The following CYP20A1 variants were observed in gnomAD, a reference collection of about 807,000 sequenced individuals.
The protein encoded by CYP20A1 is cytochrome P450 20A1.
CYP20A1 carries 61 observed loss-of-function variants against 61.4 expected under a neutral mutation model. The ratio of observed to expected loss-of-function variants is 0.99; its 90% CI spans 0.81 to 1.23. The LOEUF (loss-of-function observed/expected upper bound fraction) is 1.23, where lower values mean the gene tolerates loss of function less well. Ranked by LOEUF, CYP20A1 falls within the 50% of genes most tolerant of loss-of-function variation. CYP20A1 has a pLI of 0.00. For missense variants in CYP20A1, 530 were observed against 542.4 expected, an observed-to-expected ratio of 0.98 and a Z score of 0.23; for synonymous variants, 193 against 188.2, an observed-to-expected ratio of 1.03 and a Z score of -0.21.
chr2:203,251,283 T>C (rs1381492899), intron 3 of CYP20A1, among the ~76,000 whole-genome samples: 2 of 151,656 alleles, frequency 1.3e-5, no homozygotes. Flanking sequence ...ACTGTAATAC[T>C]TGATAACCAC....
rs896166907 is a variant in CYP20A1, at chr2:203,304,415, T to C, written c.*7507T>C. Among the ~76,000 whole-genome samples, 1 of 152,130 alleles carries C rather than the reference T, an allele frequency of 6.6e-6. No homozygotes were observed. The highest frequency in any genetic ancestry group is 1.9e-4 in the East Asian group (1 of 5,158). On this transcript the variant is annotated 3_prime_UTR_variant, in exon 13 of 13. Coordinates refer to ENST00000356079, the MANE Select transcript of CYP20A1 (RefSeq NM_177538.3). ...GGTTTCACCATGTTAGCCAGGATGGTCTTGATCTCCTGACCTTGTGATCTG... is the reference window on the plus strand; with the variant it reads ...GGTTTCACCATGTTAGCCAGGATGGCCTTGATCTCCTGACCTTGTGATCTG...
In CYP20A1 at chr2:203,292,272, T is replaced by A; in HGVS notation, c.1094T>A (p.Leu365His). The change falls in exon 11 of 13, where the codon CTT (leucine) becomes CAT (histidine). Residue 365 changes from leucine (L) to histidine (H), a missense_variant. Coordinates refer to ENST00000356079, the MANE Select transcript of CYP20A1 (RefSeq NM_177538.3). Reference protein sequence around the residue: ...RFIIPRETLVLYALGVVLQDP... With the variant: ...RFIIPRETLVHYALGVVLQDP... Reference sequence around the variant, plus strand: ...TTTTTTTTTTCACAGACCCTCGTCCTTTATGCCCTTGGTGTGGTACTTCAG... The same window carrying A: ...TTTTTTTTTTCACAGACCCTCGTCCATTATGCCCTTGGTGTGGTACTTCAG... 1.2e-6 allele frequency: 2 copies of A among 1,612,634 alleles called. No homozygotes were observed. The highest frequency in any genetic ancestry group is 1.7e-6 in the Non-Finnish European group (2 of 1,178,938).
At chr2:203,293,403 G>A (rs1330396494) in intron 11 of CYP20A1, among the ~76,000 whole-genome samples, 1 of 150,450 alleles carries the variant, frequency 6.6e-6, no homozygotes, top group East Asian at 2.0e-4. Flanking sequence ...TTTTAGTAGA[G>A]ACAGGGTTTC....
intron 8 of CYP20A1, among the ~76,000 whole-genome samples, chr2:203,282,674 G>A (rs1165498024): frequency 1.3e-5 from 2 of 151,944 alleles, no homozygotes; most frequent in Non-Finnish European, 2.9e-5. Flanking sequence ...TATGTATTTG[G>A]ATGTAGGTTA....
chr2:203,257,381 C>G (rs972778418), intron 4 of CYP20A1, among the ~76,000 whole-genome samples: 13 of 151,348 alleles, frequency 8.6e-5, no homozygotes, highest in African/African-American at 2.9e-4. Context: ...TCTTCTATAA[C>G]TTTGTTTATT....
chr2:203,248,924 T>C (rs1253116703), intron 3 of CYP20A1, among the ~76,000 whole-genome samples: 1 of 152,150 alleles, frequency 6.6e-6, no homozygotes, highest in Non-Finnish European at 1.5e-5. Context: ...TTGCCCAGGC[T>C]GGCCTCCAAC....
chr2:203,298,395 AAAC>A lies in CYP20A1; in HGVS notation c.*1490_*1492del, dbSNP rs2068892385. 1 of 183,206 alleles carries A rather than the reference AAAC, an allele frequency of 5.5e-6. No homozygotes were observed. Among genetic ancestry groups the A allele is most frequent in the Non-Finnish European group, 1.1e-5 (1 of 87,958 alleles). The allele number at this position is 183,206 out of a possible 1,614,324, so 11.3% of individuals were successfully genotyped here. ...ACAGAGCAAAACCCTGCCTTTAAAA[AAAC>A]AAAAAACAAAAAAGGCCGGGCTCGG... On this transcript the variant is annotated 3_prime_UTR_variant, in exon 13 of 13. Coordinates refer to ENST00000356079, the MANE Select transcript of CYP20A1 (RefSeq NM_177538.3).
intron 4 of CYP20A1, among the ~76,000 whole-genome samples, chr2:203,261,896 T>A (rs2067151723): frequency 1.3e-5 from 2 of 151,918 alleles, no homozygotes; most frequent in African/African-American, 4.8e-5. Flanking sequence ...GCACAACTGT[T>A]TTCGGGGAGT....
chr2:203,263,101 G>A (rs1031824629), intron 4 of CYP20A1, among the ~76,000 whole-genome samples: 18 of 151,660 alleles, frequency 1.2e-4, no homozygotes, highest in Admixed American at 1.2e-3. Context: ...CAGTTCTCCT[G>A]CCTCAGCCGC....
chr2:203,303,451 T>G lies in CYP20A1; in HGVS notation c.*6543T>G, dbSNP rs1575299001. Reference sequence around the variant, plus strand: ...TAGGCCGGGCCTGTAATTCCAGCACTTTGGGAGGCCAAGGCAGGTGAATCA... The same window carrying G: ...TAGGCCGGGCCTGTAATTCCAGCACGTTGGGAGGCCAAGGCAGGTGAATCA... On this transcript the variant is annotated 3_prime_UTR_variant, in exon 13 of 13. Coordinates refer to ENST00000356079, the MANE Select transcript of CYP20A1 (RefSeq NM_177538.3). 6.6e-6 allele frequency among the ~76,000 whole-genome samples: 1 copy of G among 152,232 alleles called. No homozygotes were observed. Among genetic ancestry groups the G allele is most frequent in the East Asian group, 1.9e-4 (1 of 5,178 alleles).
At chr2:203,269,169 C>T (rs766249353) in intron 5 of CYP20A1, among the ~76,000 whole-genome samples, 5 of 151,932 alleles carry the variant, frequency 3.3e-5, no homozygotes, top group Non-Finnish European at 5.9e-5. Context: ...AGGCCAGGTA[C>T]GATAGCTCAT....
At chr2:203,248,907 T>C (rs6435177) in intron 3 of CYP20A1, among the ~76,000 whole-genome samples, 140,745 of 152,164 alleles carry the variant, frequency 0.92, 65,354 homozygotes, top group Non-Finnish European at 0.96. Context: ...GATGAGGTCT[T>C]GCTACGTTGC....
intron 10 of CYP20A1, among the ~76,000 whole-genome samples, chr2:203,290,788 T>C (rs924104586): frequency 7.9e-5 from 12 of 151,970 alleles, no homozygotes; most frequent in Non-Finnish European, 1.6e-4. Flanking sequence ...GATTACAGGC[T>C]TGTGCCACAA....
intron 4 of CYP20A1, among the ~76,000 whole-genome samples, chr2:203,260,355 TG>T (rs1182364995): frequency 4.0e-5 from 6 of 151,662 alleles, no homozygotes; most frequent in Non-Finnish European, 8.8e-5. Context: ...CCCAAGTAGC[TG>T]GAAGTATAGG....
intron 6 of CYP20A1, among the ~76,000 whole-genome samples, chr2:203,275,976 G>A (rs562764107): frequency 6.6e-6 from 1 of 152,300 alleles, no homozygotes; most frequent in East Asian, 1.9e-4. Flanking sequence ...GAAGGGGATA[G>A]GGAGTGCCGG....
At chr2:203,273,741 C>T (rs1232145787) in intron 6 of CYP20A1, among the ~76,000 whole-genome samples, 3 of 152,046 alleles carry the variant, frequency 2.0e-5, no homozygotes, top group Non-Finnish European at 2.9e-5. Context: ...GCCAGGAGTT[C>T]GAGACCAATC....
Position 203,251,793 on chromosome 2 carries a change from G to GTATA in CYP20A1, c.290-153_290-150dup, listed in dbSNP as rs34020768. Among the ~76,000 whole-genome samples, 103 of 64,208 alleles carry GTATA rather than the reference G, an allele frequency of 1.6e-3. 15 individuals carry two copies. The South Asian group carries it at 0.037, about 23-fold the overall frequency. The allele number at this position is 64,208 out of a possible 152,430, so 42.1% of individuals were successfully genotyped here. ...TCAAAAGAAAACTATATATATATGTGTATATATATATATATATATATATAA... is the reference window on the plus strand; with the variant it reads ...TCAAAAGAAAACTATATATATATGTGTATATATATATATATATATATATATATAA... On this transcript the variant is annotated intron_variant, in intron 3 of 12. Transcript: ENST00000356079.
At chr2:203,257,498 AT>A (rs1027757657) in intron 4 of CYP20A1, among the ~76,000 whole-genome samples, 6 of 150,300 alleles carry the variant, frequency 4.0e-5, no homozygotes, top group South Asian at 2.1e-4. Context: ...CCATTAAAAA[AT>A]TTTTTTTTTG....
chr2:203,305,225 C>T lies in CYP20A1; in HGVS notation c.*8317C>T, dbSNP rs1279440589. 8.5e-6 allele frequency among the ~76,000 whole-genome samples: 1 copy of T among 118,040 alleles called. No individual in the cohort carries two copies. The highest frequency in any genetic ancestry group is 1.7e-5 in the Non-Finnish European group (1 of 60,426). 77.4% of individuals were successfully genotyped at this position (118,040 alleles called of 152,430 possible). On this transcript the variant is annotated 3_prime_UTR_variant, in exon 13 of 13. Transcript: ENST00000356079. ...TTTTTTTTTTTTTTTTTTTTGAGAC[C>T]GAGTCTCCCTCTGTCACCAGGCTGG...
Sources: allele counts gnomAD v4.1 joint callset (sites outside exome capture counted in the v4.1 genomes callset), GRCh38; gene constraint gnomAD v4.1.1; transcripts MANE v1.5; gene names NCBI Gene and HGNC (gene_info 2026-07-23, HGNC 2026-07-21).